Variants in KCNH5 observed in about 807,000 individuals in gnomAD.
KCNH5 encodes the protein potassium voltage-gated channel subfamily H member 5.
A neutral mutation model predicts 96.1 loss-of-function variants in KCNH5; 46 were observed. The observed-to-expected ratio is 0.48, with a 90% confidence interval of 0.38 to 0.61. The LOEUF is 0.61. KCNH5 is among the 20% of genes least tolerant of loss of function. KCNH5 has a pLI of 0.00. For synonymous variants in KCNH5, 439 were observed against 449.8 expected (o/e 0.98, Z 0.30); for missense variants, 907 against 1,225.8 (o/e 0.74, Z 3.88).
chr14:62,871,576 T>C lies in KCNH5; in HGVS notation c.1370-21724A>G, dbSNP rs371996108. On this transcript the variant is annotated intron_variant, in intron 7 of 10. Transcript: ENST00000322893. ...AAAACAATAGAGTTGGGTTGGAAAT[T>C]TAGGATGTAGTTCTGACACCACCAC... 4.3e-4 allele frequency among the ~76,000 whole-genome samples: 66 copies of C among 152,286 alleles called. 3 individuals carry two copies. In the South Asian group the frequency reaches 8.5e-3, roughly 20 times the overall value.
At chr14:63,042,281 C>A (rs1029946474) in intron 1 of KCNH5, among the ~76,000 whole-genome samples, 16 of 151,974 alleles carry the variant, frequency 1.1e-4, no homozygotes, top group South Asian at 2.1e-4. Flanking sequence ...ACTTTACAGA[C>A]AAATCCTAAA....
chr14:62,734,557 G>A (rs28754390), intron 10 of KCNH5, among the ~76,000 whole-genome samples: 8,210 of 152,110 alleles, frequency 0.054, 689 homozygotes, highest in African/African-American at 0.18. Flanking sequence ...TTTCCAGGAA[G>A]CCCCTCCTCT....
chr14:62,867,459 A>C (rs1417863677), intron 7 of KCNH5, among the ~76,000 whole-genome samples: 1 of 152,162 alleles, frequency 6.6e-6, no homozygotes, highest in Non-Finnish European at 1.5e-5. Context: ...ACATTTGCTA[A>C]TGTTTTTCCA....
At chr14:63,036,478 C>T (rs1891723540) in intron 1 of KCNH5, among the ~76,000 whole-genome samples, 1 of 149,996 alleles carries the variant, frequency 6.7e-6, no homozygotes, top group Non-Finnish European at 1.5e-5. Context: ...ATACTAAAGA[C>T]ACTTTGAATA....
At chr14:62,980,090 T>G (rs1481858992) in intron 6 of KCNH5, among the ~76,000 whole-genome samples, 1 of 152,154 alleles carries the variant, frequency 6.6e-6, no homozygotes, top group East Asian at 1.9e-4. Context: ...CTCCTTTTTC[T>G]CTCCTGCCGC....
At chr14:62,974,225 T>C (rs764504378) in intron 6 of KCNH5, among the ~76,000 whole-genome samples, 7 of 152,200 alleles carry the variant, frequency 4.6e-5, no homozygotes, top group Admixed American at 3.3e-4. Context: ...TGTTTATCAC[T>C]TATTAAGACT....
intron 10 of KCNH5, among the ~76,000 whole-genome samples, chr14:62,708,734 G>T (rs887522143): frequency 6.6e-6 from 1 of 152,070 alleles, no homozygotes; most frequent in African/African-American, 2.4e-5. Context: ...AGAGACAACT[G>T]AATAGAGAGG....
rs1314001360 is a variant in KCNH5, at chr14:62,772,218, TTTGA to T, written c.2019+7506_2019+7509del. On this transcript the variant is annotated intron_variant, in intron 10 of 10. Coordinates refer to ENST00000322893, the MANE Select transcript of KCNH5 (RefSeq NM_139318.5). ...CTTTTTCTCCTTCCCTTCCTTTTTT[TTTGA>T]TTAACTAATATTTTTAGTATACATA... is the stretch of plus-strand genomic sequence containing the variant. Among the ~76,000 whole-genome samples the T allele has an allele frequency of 2.0e-5, 3 of 152,210 alleles. No individual in the cohort carries two copies. In the East Asian group the frequency reaches 5.8e-4, roughly 29 times the overall value.
chr14:63,010,169 T>G (rs978819528), intron 2 of KCNH5, among the ~76,000 whole-genome samples: 2 of 152,152 alleles, frequency 1.3e-5, no homozygotes, highest in African/African-American at 2.4e-5. Flanking sequence ...CAGAGGACTT[T>G]TGCATTTGGA....
chr14:62,795,241 A>G (rs1396847063), intron 9 of KCNH5, among the ~76,000 whole-genome samples: 2 of 152,144 alleles, frequency 1.3e-5, no homozygotes, highest in Non-Finnish European at 2.9e-5. Flanking sequence ...AGAACACAAC[A>G]TATTTTTCTG....
chr14:62,957,023 C>T (rs745919166), intron 6 of KCNH5, among the ~76,000 whole-genome samples: 9 of 152,154 alleles, frequency 5.9e-5, no homozygotes, highest in Non-Finnish European at 1.0e-4. Context: ...AACAGAATAT[C>T]AAATACATCA....
At chr14:62,855,355 T>G (rs1177605649) in intron 7 of KCNH5, among the ~76,000 whole-genome samples, 1 of 152,180 alleles carries the variant, frequency 6.6e-6, no homozygotes, top group Non-Finnish European at 1.5e-5. Context: ...CAGTCTGTGA[T>G]TGTATGTGCA....
intron 7 of KCNH5, among the ~76,000 whole-genome samples, chr14:62,935,560 C>G (rs1463295794): frequency 2.6e-5 from 4 of 152,118 alleles, no homozygotes; most frequent in Non-Finnish European, 4.4e-5. Context: ...TCCCACAGAG[C>G]TAGGAAAAAA....
At chr14:62,885,110 T>C (rs1312186567) in intron 7 of KCNH5, among the ~76,000 whole-genome samples, 3 of 152,308 alleles carry the variant, frequency 2.0e-5, no homozygotes, top group East Asian at 1.9e-4. Context: ...ATTATGATAT[T>C]TCTATGCTTG....
At chr14:62,941,223 G>A (rs1418288651) in intron 7 of KCNH5, among the ~76,000 whole-genome samples, 3 of 152,156 alleles carry the variant, frequency 2.0e-5, no homozygotes, top group African/African-American at 7.2e-5. Flanking sequence ...TAGTTAATAG[G>A]CTATCAAGAA....
chr14:62,958,949 G>T (rs946760873), intron 6 of KCNH5, among the ~76,000 whole-genome samples: 3 of 151,848 alleles, frequency 2.0e-5, no homozygotes, highest in Non-Finnish European at 4.4e-5. Flanking sequence ...CTTTCCCATA[G>T]ATATTTAAAC....
At chr14:63,031,245 A>G (rs1198805218) in intron 1 of KCNH5, among the ~76,000 whole-genome samples, 3 of 152,112 alleles carry the variant, frequency 2.0e-5, no homozygotes, top group Non-Finnish European at 4.4e-5. Context: ...TTGTTTTAAT[A>G]TAAGGAGGCA....
chr14:62,735,870 G>A (rs1275880426), intron 10 of KCNH5, among the ~76,000 whole-genome samples: 1 of 152,230 alleles, frequency 6.6e-6, no homozygotes, highest in Non-Finnish European at 1.5e-5. Context: ...ACAGTGGGAA[G>A]ATGACATGAA....
At chr14:63,013,344 T>C (rs147100087) in intron 2 of KCNH5, among the ~76,000 whole-genome samples, 41 of 152,226 alleles carry the variant, frequency 2.7e-4, no homozygotes, top group African/African-American at 9.4e-4. Flanking sequence ...TTCTGAGATA[T>C]ATAGTGTCAA....
Sources: gnomAD v4.1 joint callset for allele counts (sites outside exome capture counted in the v4.1 genomes callset) on GRCh38, gnomAD v4.1.1 for gene constraint, MANE v1.5 for transcripts, NCBI Gene and HGNC (gene_info 2026-07-23, HGNC 2026-07-21) for gene names.